VPS39: variants seen among roughly 807,000 people sequenced by gnomAD.
The protein encoded by VPS39 is vam6/Vps39-like protein.
A neutral mutation model predicts 121.0 loss-of-function variants in VPS39; 70 were observed. The observed-to-expected ratio is 0.58, with a 90% CI of 0.48 to 0.71. The LOEUF (loss-of-function observed/expected upper bound fraction) is 0.71, where lower values mean the gene tolerates loss of function less well. Ranked by LOEUF, VPS39 falls within the 30% of genes least tolerant of loss-of-function variation. The pLI is 0.00. For missense variants in VPS39, 818 were observed against 1,051.5 expected (o/e 0.78, Z 3.07); for synonymous variants, 378 against 398.1 (o/e 0.95, Z 0.60).
In VPS39 at chr15:42,184,710, G is replaced by A. The variant is rs1323293226; in HGVS notation, c.535-10C>T. ...ACCCCTTTCCATCCACCTATAGGAA[G>A]AAACAGAGTGAGTCACCTAGCATTC... On this transcript the variant is annotated splice_polypyrimidine_tract_variant and intron_variant, in intron 7 of 24. Transcript: ENST00000318006. The A allele has an allele frequency of 2.5e-6, 4 of 1,602,228 alleles. No homozygotes were observed. The highest frequency in any genetic ancestry group is 1.7e-5 in the Admixed American group (1 of 58,098).
intron 13 of VPS39, 37 bp downstream of exon 13, chr15:42,167,357 C>G: frequency 6.2e-7 from 1 of 1,610,684 alleles, no homozygotes; most frequent in Non-Finnish European, 8.5e-7. Context: ...GTCAGGGTAA[C>G]TGGGAATTGT....
At chr15:42,180,595 T>G (rs1240990569) in intron 8 of VPS39, among the ~76,000 whole-genome samples, 1 of 152,134 alleles carries the variant, frequency 6.6e-6, no homozygotes, top group East Asian at 1.9e-4. Flanking sequence ...TTAACATAAA[T>G]GGAGGGAATT....
At position 42,191,352 on chromosome 15, in the gene VPS39, A is replaced by T. The variant is rs986926021; in HGVS notation, c.204+144T>A. ...GCTTGTGAGAGAGGATCTCAGGCACATGATATATGAGCAGACACTCCTGCA... is the reference window on the plus strand; with the variant it reads ...GCTTGTGAGAGAGGATCTCAGGCACTTGATATATGAGCAGACACTCCTGCA... On this transcript the variant is annotated intron_variant, in intron 3 of 24. Transcript: ENST00000318006. The T allele has an allele frequency of 2.9e-5, 31 of 1,053,114 alleles. No homozygotes were observed. The South Asian group carries it at 3.2e-4, about 11-fold the overall frequency. The allele number at this position is 1,053,114 out of a possible 1,614,324, so 65.2% of individuals were successfully genotyped here. A position where few individuals can be genotyped will look rare whatever the true frequency, so the allele number is the denominator to read the frequency against.
At chr15:42,206,378 G>A (rs1221712523) in intron 1 of VPS39, among the ~76,000 whole-genome samples, 1 of 152,202 alleles carries the variant, frequency 6.6e-6, no homozygotes, top group African/African-American at 2.4e-5. Flanking sequence ...AACCTAATAT[G>A]TACCTAAGCA....
intron 2 of VPS39, among the ~76,000 whole-genome samples, chr15:42,194,641 G>A (rs566365871): frequency 2.6e-5 from 4 of 152,036 alleles, no homozygotes; most frequent in Non-Finnish European, 5.9e-5. Flanking sequence ...GCTGAGGCGG[G>A]AGGATCGCCT....
chr15:42,184,452 C>T (rs907642596), intron 8 of VPS39, 65 bp downstream of exon 8: 52 of 1,496,176 alleles, frequency 3.5e-5, no homozygotes, highest in Non-Finnish European at 4.3e-5. Flanking sequence ...AATGGGACTC[C>T]GTTCTGCAGG....
chr15:42,202,978 T>C (rs1361431208), intron 1 of VPS39, among the ~76,000 whole-genome samples: 1 of 152,216 alleles, frequency 6.6e-6, no homozygotes, highest in East Asian at 1.9e-4. Context: ...TCCATTTTTA[T>C]TGAAATGTTT....
At chr15:42,163,564 T>C in intron 20 of VPS39, 62 bp downstream of exon 20, 1 of 1,542,850 alleles carries the variant, frequency 6.5e-7, no homozygotes, top group Non-Finnish European at 8.9e-7. Flanking sequence ...TTCTTAACTC[T>C]CATCTCTCTG....
At chr15:42,187,209 G>C in intron 7 of VPS39, 62 bp downstream of exon 7, 2 of 1,375,642 alleles carry the variant, frequency 1.5e-6, no homozygotes, top group Non-Finnish European at 2.0e-6. Context: ...CCTGGAGTTT[G>C]GAGCAGATAA....
At chr15:42,162,525 T>G in intron 21 of VPS39, 44 bp from the exon 22 acceptor site, 1 of 1,555,624 alleles carries the variant, frequency 6.4e-7, no homozygotes, top group Non-Finnish European at 8.7e-7. Context: ...GCAGCAACCC[T>G]CCCAGAACCC....
At chr15:42,202,349 A>G (rs781491781) in intron 1 of VPS39, among the ~76,000 whole-genome samples, 3 of 152,224 alleles carry the variant, frequency 2.0e-5, no homozygotes, top group African/African-American at 4.8e-5. Context: ...TGAAATCAGA[A>G]ATAACAGCAG....
At chr15:42,206,102 T>G (rs761976300) in intron 1 of VPS39, among the ~76,000 whole-genome samples, 1 of 152,156 alleles carries the variant, frequency 6.6e-6, no homozygotes. Flanking sequence ...ATTATACAAC[T>G]TTGGAGTTTA....
chr15:42,190,285 T>G (rs2049799875), intron 4 of VPS39, among the ~76,000 whole-genome samples: 1 of 152,206 alleles, frequency 6.6e-6, no homozygotes, highest in African/African-American at 2.4e-5. Flanking sequence ...AGCAAAGCAA[T>G]CAAAATAATC....
intron 2 of VPS39, among the ~76,000 whole-genome samples, chr15:42,197,763 A>C (rs2049973964): frequency 1.3e-5 from 2 of 151,940 alleles, no homozygotes; most frequent in East Asian, 3.9e-4. Flanking sequence ...TCTTTTCTTG[A>C]CCCTATTATC....
chr15:42,161,585 C>T (rs756916619), intron 24 of VPS39, 97 bp downstream of exon 24: 1 of 1,235,842 alleles, frequency 8.1e-7, no homozygotes, highest in South Asian at 1.2e-5. Context: ...GCCATGTTCT[C>T]CTTCTCTGTT....
chr15:42,196,187 C>T (rs533621569), intron 2 of VPS39, among the ~76,000 whole-genome samples: 2,155 of 152,144 alleles, frequency 0.014, 44 homozygotes, highest in African/African-American at 0.05. Context: ...GGATTAAAGA[C>T]TTAAATGTTA....
intron 1 of VPS39, among the ~76,000 whole-genome samples, chr15:42,207,191 T>A (rs980626992): frequency 2.6e-5 from 4 of 152,200 alleles, no homozygotes; most frequent in African/African-American, 7.2e-5. Flanking sequence ...ATAAGGCCCA[T>A]CATGGTTACC....
chr15:42,199,521 A>T (rs1331356831), intron 2 of VPS39: 1 of 444,804 alleles, frequency 2.2e-6, no homozygotes, highest in Non-Finnish European at 4.6e-6. Flanking sequence ...GATGTTGCCT[A>T]ATTTTTTTTC....
intron 1 of VPS39, among the ~76,000 whole-genome samples, chr15:42,205,259 A>C (rs1018285138): frequency 6.6e-6 from 1 of 152,208 alleles, no homozygotes; most frequent in African/African-American, 2.4e-5. Context: ...TAATAATTAA[A>C]TATATAAAAT....
Sources: allele counts gnomAD v4.1 joint callset (sites outside exome capture counted in the v4.1 genomes callset), GRCh38; gene constraint gnomAD v4.1.1; transcripts MANE v1.5; gene names NCBI Gene and HGNC (gene_info 2026-07-23, HGNC 2026-07-21).